TG: variants seen among roughly 807,000 people sequenced by gnomAD.
TG encodes the protein thyroid hormones.
TG carries 270 observed loss-of-function variants against 324.7 expected under a neutral mutation model. The observed-to-expected ratio is 0.83, with a 90% CI of 0.75 to 0.92. TG has a LOEUF of 0.92. TG is among the 40% of genes least tolerant of loss of function. The pLI is 0.00. For synonymous variants in TG, 1,401 were observed against 1,327.0 expected (o/e 1.06, Z -1.21); for missense variants, 3,591 against 3,456.4 (o/e 1.04, Z -0.98).
chr8:132,988,763 C>T, intron 35 of TG: 1 of 985,432 alleles, frequency 1.0e-6, no homozygotes. Flanking sequence ...TTATCTTCTC[C>T]AGTGTTGGAG....
intron 32 of TG, 63 bp downstream of exon 32, chr8:132,969,632 C>A: frequency 8.1e-7 from 1 of 1,237,548 alleles, no homozygotes; most frequent in Non-Finnish European, 1.2e-6. Flanking sequence ...AAGAAGATGA[C>A]ACAATCACAG....
chr8:132,940,713 A>G (rs1216636585), intron 25 of TG, among the ~76,000 whole-genome samples: 1 of 152,238 alleles, frequency 6.6e-6, no homozygotes, highest in African/African-American at 2.4e-5. Context: ...GGGTGGGGCC[A>G]GTTTCAGGCA....
At chr8:133,107,986 T>TCCTC (rs1564199197) in intron 43 of TG, among the ~76,000 whole-genome samples, 11 of 143,798 alleles carry the variant, frequency 7.6e-5, no homozygotes, top group Non-Finnish European at 7.6e-5. Context: ...TTTCTTCTTT[T>TCCTC]TTTTTTTTTT....
intron 35 of TG, among the ~76,000 whole-genome samples, chr8:132,997,101 A>G (rs1832954462): frequency 6.6e-6 from 1 of 152,240 alleles, no homozygotes; most frequent in Non-Finnish European, 1.5e-5. Context: ...TATATTTAAA[A>G]TGATATTTAT....
At chr8:133,108,160 G>C (rs1023725037) in intron 43 of TG, among the ~76,000 whole-genome samples, 3 of 148,904 alleles carry the variant, frequency 2.0e-5, no homozygotes, top group Non-Finnish European at 4.5e-5. Context: ...TTTTTTTTTC[G>C]TATTTTTAGT....
chr8:133,107,530 T>C (rs927100524), intron 43 of TG, among the ~76,000 whole-genome samples: 5 of 152,208 alleles, frequency 3.3e-5, no homozygotes, highest in African/African-American at 4.8e-5. Context: ...CTGCTGACTC[T>C]CTAATTAAAC....
In TG at chr8:133,116,776, G is replaced by A. The variant is rs1165453747; in HGVS notation, c.7862+60G>A. 10 of 1,390,108 alleles carry A rather than the reference G, an allele frequency of 7.2e-6. No homozygotes were observed. The East Asian group carries it at 1.4e-4, about 19-fold the overall frequency. 86.1% of individuals were successfully genotyped at this position (1,390,108 alleles called of 1,614,324 possible). A position where few individuals can be genotyped will look rare whatever the true frequency, so the allele number is the denominator to read the frequency against. On this transcript the variant is annotated intron_variant, in intron 45 of 47. Transcript: ENST00000220616. ...AAAACCGAATGATAAGTCCCAGTTCGATGACATGGGACACACCACTTAACC... is the reference window on the plus strand; with the variant it reads ...AAAACCGAATGATAAGTCCCAGTTCAATGACATGGGACACACCACTTAACC...
chr8:133,060,497 G>A, intron 41 of TG: 1 of 811,932 alleles, frequency 1.2e-6, no homozygotes, highest in Non-Finnish European at 1.8e-6. Flanking sequence ...GCCACAGCAG[G>A]GTTTGTGTGA....
chr8:133,049,230 T>G (rs936222090), intron 41 of TG: 17 of 438,240 alleles, frequency 3.9e-5, no homozygotes, highest in Admixed American at 1.3e-4. Context: ...TTGAGCCTAG[T>G]TTTCTAAGAT....
intron 43 of TG, among the ~76,000 whole-genome samples, chr8:133,101,181 G>A (rs577867254): frequency 6.6e-6 from 1 of 152,122 alleles, no homozygotes; most frequent in Non-Finnish European, 1.5e-5. Flanking sequence ...CCATACGCAA[G>A]CATCACCTAG....
intron 41 of TG, chr8:133,050,868 C>T: frequency 6.2e-7 from 1 of 1,614,002 alleles, no homozygotes; most frequent in Non-Finnish European, 8.5e-7. Flanking sequence ...GGGCTGATGT[C>T]AGGAGACGGG....
intron 41 of TG, chr8:133,047,999 G>GCCAC: frequency 2.2e-6 from 2 of 913,932 alleles, no homozygotes; most frequent in South Asian, 2.9e-5. Flanking sequence ...GCAGGAATGC[G>GCCAC]CCACCCACCG....
chr8:133,024,927 C>A (rs1407071563), intron 40 of TG, among the ~76,000 whole-genome samples: 1 of 151,644 alleles, frequency 6.6e-6, no homozygotes, highest in African/African-American at 2.4e-5. Flanking sequence ...AAATCTAGAA[C>A]CAGAAATACC....
intron 41 of TG, among the ~76,000 whole-genome samples, chr8:133,069,950 G>T (rs1313979076): frequency 2.9e-5 from 4 of 136,218 alleles, no homozygotes; most frequent in African/African-American, 1.1e-4. Flanking sequence ...GCAGTGAGCC[G>T]AGATTGTGCC....
intron 16 of TG, among the ~76,000 whole-genome samples, chr8:132,903,032 G>A (rs1156744771): frequency 6.6e-6 from 1 of 152,194 alleles, no homozygotes; most frequent in Non-Finnish European, 1.5e-5. Context: ...CACACGGTTA[G>A]CAGGTGGAGC....
chr8:132,882,049 A>C lies in TG; in HGVS notation c.745+80A>C, dbSNP rs1378877057. ...GAAAACCTGGATAACATTGCTTGTA[A>C]AGCACAGCTAGAGTGACTGCCTGCC... On this transcript the variant is annotated intron_variant, in intron 6 of 47. Transcript: ENST00000220616. 2.8e-6 allele frequency: 3 copies of C among 1,065,642 alleles called. No individual in the cohort carries two copies. In the African/African-American group the frequency reaches 4.7e-5, roughly 17 times the overall value. 66.0% of individuals were successfully genotyped at this position (1,065,642 alleles called of 1,614,324 possible).
At chr8:132,897,326 A>G (rs1469718820) in intron 11 of TG, among the ~76,000 whole-genome samples, 2 of 152,238 alleles carry the variant, frequency 1.3e-5, no homozygotes, top group Non-Finnish European at 2.9e-5. Context: ...ACATATGAGT[A>G]TAGAGCCTAC....
At chr8:132,972,238 A>T in intron 33 of TG, 1 of 449,664 alleles carries the variant, frequency 2.2e-6, no homozygotes, top group Non-Finnish European at 4.1e-6. Flanking sequence ...ATTCTGGAAA[A>T]GTCACTTAAT....
intron 43 of TG, among the ~76,000 whole-genome samples, chr8:133,103,962 G>A (rs1174159070): frequency 2.6e-5 from 4 of 152,252 alleles, no homozygotes; most frequent in African/African-American, 7.2e-5. Context: ...GAACACTGAA[G>A]TGGGGCCATT....
Sources: allele counts gnomAD v4.1 joint callset (sites outside exome capture counted in the v4.1 genomes callset), GRCh38; gene constraint gnomAD v4.1.1; transcripts MANE v1.5; gene names NCBI Gene and HGNC (gene_info 2026-07-23, HGNC 2026-07-21).